The following PHF21B variants were observed in gnomAD, a reference collection of about 807,000 sequenced individuals.
The protein encoded by PHF21B is PHD finger protein 4.
PHF21B carries 22 observed loss-of-function variants against 62.2 expected under a neutral mutation model. The observed-to-expected ratio is 0.35, with a 90% CI of 0.25 to 0.51. The LOEUF (loss-of-function observed/expected upper bound fraction) is 0.51. PHF21B is among the 20% of genes least tolerant of loss of function. The pLI, the probability that PHF21B is intolerant of heterozygous loss-of-function variation, is 0.97. For synonymous variants in PHF21B, 341 were observed against 314.7 expected (o/e 1.08, Z -0.88); for missense variants, 701 against 707.9 (o/e 0.99, Z 0.11).
At chr22:44,966,585 G>A (rs2072530944) in intron 2 of PHF21B, among the ~76,000 whole-genome samples, 1 of 152,160 alleles carries the variant, frequency 6.6e-6, no homozygotes, top group African/African-American at 2.4e-5. Context: ...GTGCGGTGAA[G>A]GGAGCCAGAA....
intron 2 of PHF21B, among the ~76,000 whole-genome samples, chr22:44,975,293 C>G (rs1290132127): frequency 6.6e-6 from 1 of 152,236 alleles, no homozygotes; most frequent in Non-Finnish European, 1.5e-5. Context: ...TGACCAGCAC[C>G]TGCCTGGCCT....
At chr22:44,937,336 G>A (rs2147354392) in intron 2 of PHF21B, among the ~76,000 whole-genome samples, 1 of 152,368 alleles carries the variant, frequency 6.6e-6, no homozygotes, top group Admixed American at 6.5e-5. Flanking sequence ...AGGCTGGGCA[G>A]AGACGGAGAC....
At chr22:44,945,319 C>A (rs186557189) in intron 2 of PHF21B, among the ~76,000 whole-genome samples, 5 of 152,296 alleles carry the variant, frequency 3.3e-5, no homozygotes, top group South Asian at 2.1e-4. Context: ...GCTCCCCCAG[C>A]GCCCTGTGAA....
At chr22:44,935,332 T>C (rs930577922) in intron 2 of PHF21B, among the ~76,000 whole-genome samples, 5 of 152,096 alleles carry the variant, frequency 3.3e-5, no homozygotes, top group Admixed American at 1.3e-4. Flanking sequence ...CAGAAGCACA[T>C]GGCCGGGCGC....
intron 12 of PHF21B, 28 bp downstream of exon 12, chr22:44,885,397 GC>G: frequency 6.5e-7 from 1 of 1,542,458 alleles, no homozygotes; most frequent in Non-Finnish European, 8.7e-7. Flanking sequence ...CAGGGCTGAG[GC>G]CAGCCTCCCC....
chr22:44,957,624 TC>T (rs1413741901), intron 2 of PHF21B, among the ~76,000 whole-genome samples: 28 of 152,222 alleles, frequency 1.8e-4, no homozygotes, highest in African/African-American at 6.5e-4. Context: ...TGCTAATTTT[TC>T]CTAAGTTCCC....
intron 2 of PHF21B, among the ~76,000 whole-genome samples, chr22:44,983,665 AC>A (rs1260971021): frequency 6.6e-6 from 1 of 152,168 alleles, no homozygotes; most frequent in African/African-American, 2.4e-5. Context: ...CCTAAGAAAA[AC>A]CAATGCAGAT....
At chr22:44,912,576 C>G (rs949853663) in intron 5 of PHF21B, among the ~76,000 whole-genome samples, 2 of 152,206 alleles carry the variant, frequency 1.3e-5, no homozygotes. Flanking sequence ...TGCTCCTCAT[C>G]TTCCGCCATG....
chr22:44,904,877 C>T lies in PHF21B; in HGVS notation c.832-8794G>A, dbSNP rs2071221727. On this transcript the variant is annotated intron_variant, in intron 5 of 12. Transcript: ENST00000313237. ...CAGGGCTGGGTCAGGTTGGCAGCAA[C>T]TTTCCCTCGGCAGTCTGCAGATATT... 1.3e-5 allele frequency among the ~76,000 whole-genome samples: 2 copies of T among 152,140 alleles called. 1 individual carries two copies. Among genetic ancestry groups the T allele is most frequent in the Admixed American group, 1.3e-4 (2 of 15,274 alleles).
chr22:44,955,982 C>T (rs978168187), intron 2 of PHF21B, among the ~76,000 whole-genome samples: 26 of 152,160 alleles, frequency 1.7e-4, no homozygotes, highest in Non-Finnish European at 2.9e-4. Flanking sequence ...TGAGCCCTGG[C>T]CCACGACAGG....
chr22:44,910,630 C>T (rs1050759561), intron 5 of PHF21B, among the ~76,000 whole-genome samples: 3 of 152,188 alleles, frequency 2.0e-5, no homozygotes, highest in African/African-American at 7.2e-5. Context: ...TAAGATGTAA[C>T]TTGCTCCTTC....
chr22:44,972,912 G>A (rs2072666317), intron 2 of PHF21B, among the ~76,000 whole-genome samples: 1 of 152,202 alleles, frequency 6.6e-6, no homozygotes, highest in South Asian at 2.1e-4. Flanking sequence ...TAGGGGCGGG[G>A]GAGGGAGGTT....
At chr22:44,944,268 C>T (rs1038508676) in intron 2 of PHF21B, among the ~76,000 whole-genome samples, 3 of 152,136 alleles carry the variant, frequency 2.0e-5, no homozygotes, top group African/African-American at 4.8e-5. Context: ...CAAGGGAATT[C>T]GGGGAGGAAA....
chr22:44,935,410 C>T (rs942320627), intron 2 of PHF21B, among the ~76,000 whole-genome samples: 1 of 151,906 alleles, frequency 6.6e-6, no homozygotes, highest in African/African-American at 2.4e-5. Flanking sequence ...GTCAGGAGAT[C>T]GAGACCATCC....
intron 2 of PHF21B, among the ~76,000 whole-genome samples, chr22:44,947,078 C>G (rs1159558847): frequency 6.6e-6 from 1 of 152,244 alleles, no homozygotes; most frequent in Non-Finnish European, 1.5e-5. Flanking sequence ...CCAAGGCACA[C>G]TGGAGTTAAG....
chr22:45,001,346 T>A (rs1264747038), intron 2 of PHF21B: 1 of 152,164 alleles, frequency 6.6e-6, no homozygotes, highest in African/African-American at 2.4e-5. Context: ...TTGAAGAGAG[T>A]GCCACAGCCA....
At chr22:44,921,831 G>A (rs1356327492) in intron 2 of PHF21B, among the ~76,000 whole-genome samples, 1 of 152,064 alleles carries the variant, frequency 6.6e-6, no homozygotes, top group African/African-American at 2.4e-5. Context: ...GGTAACTTTT[G>A]TATTTTTAGT....
intron 5 of PHF21B, among the ~76,000 whole-genome samples, chr22:44,912,284 G>C (rs967564416): frequency 6.6e-6 from 1 of 152,198 alleles, no homozygotes; most frequent in Non-Finnish European, 1.5e-5. Flanking sequence ...GACTTTGAGG[G>C]ACTGTTGGGA....
chr22:45,006,901 G>T (rs1023144518), intron 2 of PHF21B, among the ~76,000 whole-genome samples: 2 of 151,576 alleles, frequency 1.3e-5, no homozygotes, highest in African/African-American at 4.9e-5. Context: ...TCTACGCAGT[G>T]ATTAAACAGC....
Sources: allele counts gnomAD v4.1 joint callset (sites outside exome capture counted in the v4.1 genomes callset), GRCh38; gene constraint gnomAD v4.1.1; transcripts MANE v1.5; gene names NCBI Gene and HGNC (gene_info 2026-07-23, HGNC 2026-07-21).